The following GSDME variants were observed in gnomAD, a reference collection of about 807,000 sequenced individuals.
GSDME encodes the protein gasdermin-E.
In GSDME, 44 loss-of-function variants were observed where a neutral mutation model predicts 47.5. The ratio of observed to expected loss-of-function variants is 0.93; its 90% CI spans 0.73 to 1.19. GSDME has a LOEUF of 1.19. Ranked by LOEUF, GSDME falls within the 50% of genes most tolerant of loss-of-function variation. The pLI, the probability that GSDME is intolerant of heterozygous loss-of-function variation, is 0.00. For synonymous variants in GSDME, 258 were observed against 252.8 expected (o/e 1.02, Z -0.20); for missense variants, 663 against 604.2 (o/e 1.10, Z -1.02).
intron 6 of GSDME, among the ~76,000 whole-genome samples, chr7:24,709,146 TA>T (rs2128049332): frequency 6.6e-6 from 1 of 152,318 alleles, no homozygotes; most frequent in African/African-American, 2.4e-5. Context: ...CAACTGTCTT[TA>T]CCAGTCCCAG....
intron 3 of GSDME, among the ~76,000 whole-genome samples, chr7:24,731,963 C>T (rs1048256040): frequency 6.6e-6 from 1 of 152,132 alleles, no homozygotes. Context: ...CTAAAAATAC[C>T]TCCACCTGCC....
At chr7:24,734,711 T>C (rs968112704) in intron 3 of GSDME, among the ~76,000 whole-genome samples, 14 of 152,018 alleles carry the variant, frequency 9.2e-5, no homozygotes, top group Admixed American at 6.5e-5. Context: ...AGAAATAATT[T>C]GTGAGCTTGA....
chr7:24,786,611 C>T, the GSDME span, among the ~76,000 whole-genome samples: 9 of 152,290 alleles, frequency 5.9e-5, no homozygotes, highest in Non-Finnish European at 8.8e-5. This position sits in a 1 kb window ranked among gnomAD's most constrained non-coding sequence, Gnocchi z 5.5. Context: ...CTGGTCCTCA[C>T]GAGCCCTTCA....
At chr7:24,708,100 A>G in intron 7 of GSDME, 27 bp downstream of exon 7, 1 of 1,613,072 alleles carries the variant, frequency 6.2e-7, no homozygotes, top group Non-Finnish European at 8.5e-7. Flanking sequence ...CAGTGAAAAC[A>G]CTGCCTTGAG....
chr7:24,717,944 C>T (rs1789632343), intron 4 of GSDME, among the ~76,000 whole-genome samples: 1 of 152,250 alleles, frequency 6.6e-6, no homozygotes. Context: ...AGGACCCCTT[C>T]CCACGATGTC....
chr7:24,771,478 A>G, the GSDME span, among the ~76,000 whole-genome samples: 1 of 152,220 alleles, frequency 6.6e-6, no homozygotes, highest in African/African-American at 2.4e-5. This position sits in a 1 kb window ranked among gnomAD's most constrained non-coding sequence, Gnocchi z 4.1. Flanking sequence ...AGCCCCTAAT[A>G]TGTGCTTGGC....
chr7:24,709,744 T>C (rs1225473542), intron 6 of GSDME, among the ~76,000 whole-genome samples: 2 of 152,150 alleles, frequency 1.3e-5, no homozygotes, highest in Non-Finnish European at 2.9e-5. Context: ...CTCTTCCTCT[T>C]TGGCACCATG....
At chr7:24,718,988 C>G (rs1009074693) in intron 4 of GSDME, 59 bp downstream of exon 4, 10 of 1,597,518 alleles carry the variant, frequency 6.3e-6, no homozygotes, top group Non-Finnish European at 8.5e-6. Context: ...AAAGAGGCCC[C>G]CAACCAAGGT....
chr7:24,768,579 CA>C, the GSDME span, among the ~76,000 whole-genome samples: 1 of 152,198 alleles, frequency 6.6e-6, no homozygotes, highest in Non-Finnish European at 1.5e-5. The surrounding 1 kb of genome is among the most constrained non-coding windows in gnomAD (Gnocchi z 5.6). Context: ...GTGTTACCCT[CA>C]AAGTAGAGGT....
intron 6 of GSDME, among the ~76,000 whole-genome samples, chr7:24,709,724 G>A (rs965338224): frequency 6.6e-6 from 1 of 152,136 alleles, no homozygotes; most frequent in African/African-American, 2.4e-5. Context: ...GCACATCCTG[G>A]GCATGGCCCC....
rs1235473548 is a variant in GSDME, at chr7:24,712,116, G to T, written c.698-1728C>A. 6.6e-6 allele frequency among the ~76,000 whole-genome samples: 1 copy of T among 152,160 alleles called. No individual in the cohort carries two copies. The highest frequency in any genetic ancestry group is 1.5e-5 in the Non-Finnish European group (1 of 68,032). On this transcript the variant is annotated intron_variant, in intron 5 of 9. Transcript: ENST00000645220. This position sits in a 1 kb window ranked among gnomAD's most constrained non-coding sequence, Gnocchi z 4.4. ...GGCATTAATGATGCTCATAAAGATA[G>T]AATGGAAAAGAAAAAGAAGAATGGC...
chr7:24,783,253 G>C, the GSDME span, among the ~76,000 whole-genome samples: 1 of 152,316 alleles, frequency 6.6e-6, no homozygotes, highest in Admixed American at 6.5e-5. Flanking sequence ...TAGAGGCTCA[G>C]AGCATTCACA....
rs111847666 is a variant in GSDME at position 24,751,355 on chromosome 7, T to G, written c.-19-1562A>C. On this transcript the variant is annotated intron_variant, in intron 1 of 9. Transcript: ENST00000645220. ...AAAAGCTCTAATGCACAAGAACTGC[T>G]TTTTATTTTTGCTTGCACCCTGGCG... 6.7e-3 allele frequency among the ~76,000 whole-genome samples: 1,021 copies of G among 152,356 alleles called. 11 individuals are homozygous for G. The highest frequency in any genetic ancestry group is 0.023 in the African/African-American group (977 of 41,578).
Position 24,733,567 on chromosome 7 carries a change from TC to T in GSDME, c.404+10994del, listed in dbSNP as rs1790211121. On this transcript the variant is annotated intron_variant, in intron 3 of 9. Transcript: ENST00000645220. The surrounding 1 kb of genome is among the most constrained non-coding windows in gnomAD (Gnocchi z 4.3). ...ACCCCACTGCCCTGAAGAGTGCGTCTCAAACCTGCCAGCATTCACCACAAGC... is the reference window on the plus strand; with the variant it reads ...ACCCCACTGCCCTGAAGAGTGCGTCTAAACCTGCCAGCATTCACCACAAGC... Among the ~76,000 whole-genome samples the T allele has an allele frequency of 6.6e-6, 1 of 151,970 alleles. No homozygotes were observed. The highest frequency in any genetic ancestry group is 1.5e-5 in the Non-Finnish European group (1 of 67,984).
rs1356085701 is a variant in GSDME, at chr7:24,742,099, A to G, written c.404+2463T>C. On this transcript the variant is annotated intron_variant, in intron 3 of 9. Transcript: ENST00000645220. This position sits in a 1 kb window ranked among gnomAD's most constrained non-coding sequence, Gnocchi z 4.4. ...AGTGATCTCATCCCTGTGTCCAGGC[A>G]CCTCCAGGAGAGCAGGCCTCGCTAT... 6.6e-6 allele frequency among the ~76,000 whole-genome samples: 1 copy of G among 152,138 alleles called. No homozygotes were observed. Among genetic ancestry groups the G allele is most frequent in the Non-Finnish European group, 1.5e-5 (1 of 68,028 alleles).
chr7:24,739,175 C>T lies in GSDME; in HGVS notation c.404+5387G>A, dbSNP rs1026474836. Among the ~76,000 whole-genome samples, 4 of 151,962 alleles carry T rather than the reference C, an allele frequency of 2.6e-5. No homozygotes were observed. The highest frequency in any genetic ancestry group is 9.7e-5 in the African/African-American group (4 of 41,368). ...AGACTTCTGCACAGCAATGAAACAA[C>T]AAAATGAAGAGACAACTCACAGAAT... is the stretch of plus-strand genomic sequence containing the variant. On this transcript the variant is annotated intron_variant, in intron 3 of 9. Coordinates refer to ENST00000645220, the MANE Select transcript of GSDME (RefSeq NM_001127453.2). The surrounding 1 kb of genome is among the most constrained non-coding windows in gnomAD (Gnocchi z 5.1).
In GSDME at chr7:24,708,228, G is replaced by C; in HGVS notation, c.889C>G (p.His297Asp). The stretch of plus-strand genomic sequence containing the variant: ...GGCTCAGGCAGCTCCGCAAATGGAT[G>C]GAAATTCCTCTCCAGGAGCAGGGTC... ...QATLLLERNF[H>D]PFAELPEPQQ... Residue 297 changes from histidine to aspartate, a missense_variant, in exon 7 of 10, where the codon CAT (histidine) becomes GAT (aspartate). By Grantham distance (81) the His-to-Asp change is moderately conservative (BLOSUM62 -1). Coordinates refer to ENST00000645220, the MANE Select transcript of GSDME (RefSeq NM_001127453.2). The C allele has an allele frequency of 6.2e-7, 1 of 1,614,126 alleles. No homozygotes were observed. The highest frequency in any genetic ancestry group is 8.5e-7 in the Non-Finnish European group (1 of 1,180,028).
At chr7:24,779,497 T>C in the GSDME span, among the ~76,000 whole-genome samples, 2 of 66,370 alleles carry the variant, frequency 3.0e-5, no homozygotes, top group African/African-American at 1.3e-4. This position sits in a 1 kb window ranked among gnomAD's most constrained non-coding sequence, Gnocchi z 6.0. Flanking sequence ...AAGTGATACA[T>C]GGTGTGTGTG....
In GSDME at chr7:24,756,769, A is replaced by T. The variant is rs1477100664; in HGVS notation, c.-20+627T>A. 2.0e-5 allele frequency among the ~76,000 whole-genome samples: 3 copies of T among 152,168 alleles called. No individual in the cohort carries two copies. The highest frequency in any genetic ancestry group is 7.2e-5 in the African/African-American group (3 of 41,442). On this transcript the variant is annotated intron_variant, in intron 1 of 9. Transcript: ENST00000645220. This position sits in a 1 kb window ranked among gnomAD's most constrained non-coding sequence, Gnocchi z 4.2. ...GAAAGGGTCAGAGGTCCTCAAATGG[A>T]GACCAAAGGAAGCCACGCGGGCAGC...
Sources: allele counts gnomAD v4.1 joint callset (sites outside exome capture counted in the v4.1 genomes callset), GRCh38; gene constraint gnomAD v4.1.1; non-coding constraint Gnocchi (gnomAD v3.1); transcripts MANE v1.5; gene names NCBI Gene and HGNC (gene_info 2026-07-23, HGNC 2026-07-21).